The following RARS1 variants were observed in gnomAD, a reference collection of about 807,000 sequenced individuals.
RARS1 encodes the protein arginine--tRNA ligase, cytoplasmic.
RARS1 carries 75 observed loss-of-function variants against 78.7 expected under a neutral mutation model. That is an observed-to-expected ratio of 0.95 (90% CI 0.79 to 1.15). The LOEUF (loss-of-function observed/expected upper bound fraction) is 1.15, where lower values mean the gene tolerates loss of function less well. RARS1 is among the 50% of genes most tolerant of loss of function. RARS1 has a pLI of 0.00. For missense variants in RARS1, 787 were observed against 787.5 expected (o/e 1.00, Z 0.01); for synonymous variants, 273 against 268.2 (o/e 1.02, Z -0.18).
intron 11 of RARS1, among the ~76,000 whole-genome samples, chr5:168,507,656 A>G (rs7737859): frequency 0.019 from 2,928 of 152,334 alleles, 90 homozygotes; most frequent in African/African-American, 0.066. Context: ...TATCTTAGAT[A>G]CAGATTATGT....
chr5:168,494,475 T>G, intron 4 of RARS1, 75 bp from the exon 5 acceptor site: 1 of 1,578,700 alleles, frequency 6.3e-7, no homozygotes. Flanking sequence ...GGTCAGTGTC[T>G]GGAGCAAATC....
At chr5:168,496,808 G>A (rs1368009710) in intron 6 of RARS1, among the ~76,000 whole-genome samples, 1 of 152,120 alleles carries the variant, frequency 6.6e-6, no homozygotes, top group Non-Finnish European at 1.5e-5. Flanking sequence ...CAAGAATTTT[G>A]TTCATTGATA....
At chr5:168,487,092 G>T (rs1229091546) in intron 1 of RARS1, among the ~76,000 whole-genome samples, 2 of 152,138 alleles carry the variant, frequency 1.3e-5, no homozygotes, top group African/African-American at 2.4e-5. Flanking sequence ...GCCGGGCGCG[G>T]TGGCTCATGC....
chr5:168,512,314 C>A (rs1758578174), intron 12 of RARS1, among the ~76,000 whole-genome samples: 3 of 152,066 alleles, frequency 2.0e-5, no homozygotes, highest in African/African-American at 4.8e-5. Context: ...TTTAGAGGTA[C>A]ATGTGCTTTT....
intron 9 of RARS1, among the ~76,000 whole-genome samples, chr5:168,505,387 A>T (rs1464699492): frequency 6.6e-6 from 1 of 152,080 alleles, no homozygotes; most frequent in African/African-American, 2.4e-5. Flanking sequence ...TTTTCTTCCT[A>T]CTTCTCATTC....
rs540306694 is a variant in RARS1, at chr5:168,507,115, A to G, written c.1346+284A>G. Among the ~76,000 whole-genome samples the G allele has an allele frequency of 2.0e-5, 3 of 152,316 alleles. No homozygotes were observed. The East Asian group carries it at 5.8e-4, about 29-fold the overall frequency. ...CCCACAAATCTAAATTATAAAATCT[A>G]TTACAGTACCTGCTCAGATTTCAGA... On this transcript the variant is annotated intron_variant, in intron 11 of 14. Coordinates refer to ENST00000231572, the MANE Select transcript of RARS1 (RefSeq NM_002887.4).
chr5:168,518,531 T>A (rs963266993), intron 14 of RARS1, among the ~76,000 whole-genome samples: 20 of 152,170 alleles, frequency 1.3e-4, no homozygotes, highest in Non-Finnish European at 4.4e-5. Context: ...AGAGTAGGAT[T>A]TTTCCAACAA....
chr5:168,488,320 G>A (rs981135439), intron 1 of RARS1: 4 of 355,014 alleles, frequency 1.1e-5, no homozygotes, highest in East Asian at 7.1e-5. Context: ...TAGAGACAGC[G>A]TTTCGCTATG....
At chr5:168,518,347 A>C (rs1314342773) in intron 14 of RARS1, among the ~76,000 whole-genome samples, 1 of 151,832 alleles carries the variant, frequency 6.6e-6, no homozygotes, top group Non-Finnish European at 1.5e-5. Flanking sequence ...ATTCATGGAA[A>C]CTTCCACTTT....
chr5:168,510,802 T>C (rs528612115), intron 12 of RARS1, 116 bp downstream of exon 12: 18 of 621,880 alleles, frequency 2.9e-5, no homozygotes, highest in African/African-American at 5.8e-5. Context: ...GGACAAGGCT[T>C]ATATTGCTCT....
chr5:168,506,208 G>T lies in RARS1; in HGVS notation c.1236+9G>T. Reference sequence around the variant, plus strand: ...TTGTGGACAATGGACAAGTGAGTTTGTAAATTTGTATGTGTTTTACATTGA... The same window carrying T: ...TTGTGGACAATGGACAAGTGAGTTTTTAAATTTGTATGTGTTTTACATTGA... On this transcript the variant is annotated intron_variant, in intron 10 of 14. Coordinates refer to ENST00000231572, the MANE Select transcript of RARS1 (RefSeq NM_002887.4). The T allele has an allele frequency of 6.5e-7, 1 of 1,541,394 alleles. No individual in the cohort carries two copies.
chr5:168,496,164 G>C (rs562592351), intron 6 of RARS1, among the ~76,000 whole-genome samples: 24 of 152,080 alleles, frequency 1.6e-4, no homozygotes, highest in African/African-American at 5.3e-4. Context: ...GATGGATCAC[G>C]AGGTCAGGAG....
Position 168,493,923 on chromosome 5 carries a change from T to A in RARS1, c.399T>A (p.Asn133Lys). The A allele has an allele frequency of 6.2e-7, 1 of 1,613,296 alleles. No individual in the cohort carries two copies. Among genetic ancestry groups the A allele is most frequent in the African/African-American group, 1.3e-5 (1 of 75,016 alleles). The change falls in exon 4 of 15, where the codon AAT becomes AAA. Residue 133 changes from asparagine (N) to lysine (K), a missense_variant. Asn to Lys is a moderately conservative substitution (Grantham distance 94). Transcript: ENST00000231572. ...TCAAAACCAAGGAACAGAAAGTTAA[T>A]CCAAGAGAAATTGCTGAAAACATTA... ...QMLKTKEQKV[N>K]PREIAENITK...
intron 7 of RARS1, among the ~76,000 whole-genome samples, chr5:168,498,222 C>T (rs1328730018): frequency 1.3e-5 from 2 of 151,304 alleles, no homozygotes; most frequent in Middle Eastern, 6.3e-3. Flanking sequence ...CAGAGCAAGA[C>T]CTTATCTTAA....
intron 11 of RARS1, among the ~76,000 whole-genome samples, chr5:168,508,429 G>A (rs965972429): frequency 6.6e-6 from 1 of 151,454 alleles, no homozygotes; most frequent in Non-Finnish European, 1.5e-5. Flanking sequence ...AGACCAGCCT[G>A]GCCAACATGG....
rs1392638247 is a variant in RARS1, at chr5:168,506,839, T to C, written c.1346+8T>C. 6.3e-6 allele frequency: 10 copies of C among 1,579,368 alleles called. No individual in the cohort carries two copies. The highest frequency in any genetic ancestry group is 7.8e-6 in the Non-Finnish European group (9 of 1,149,240). On this transcript the variant is annotated splice_region_variant and intron_variant, in intron 11 of 14. Coordinates refer to ENST00000231572, the MANE Select transcript of RARS1 (RefSeq NM_002887.4). ...GGTGCTAGGGGAAGACAAGTAAGTC[T>C]GGAAAATCTGAAGATGGTAATGATA...
intron 9 of RARS1, among the ~76,000 whole-genome samples, chr5:168,504,062 GAA>G (rs35643354): frequency 1.1e-3 from 150 of 131,794 alleles, no homozygotes; most frequent in East Asian, 1.8e-3. Flanking sequence ...CCCTGTCTCT[GAA>G]AAAAAAAAAA....
In RARS1 at chr5:168,501,595, C is replaced by T. The variant is rs1177190954; in HGVS notation, c.953-406C>T. ...AAAATTAGCCGGGCGTGGTGGCACA[C>T]GCCTGTAGTCCCAGCTACTTGGGAG... On this transcript the variant is annotated intron_variant, in intron 8 of 14. Transcript: ENST00000231572. Among the ~76,000 whole-genome samples the T allele has an allele frequency of 2.6e-5, 4 of 152,256 alleles. No homozygotes were observed. In the East Asian group the frequency reaches 7.7e-4, roughly 29 times the overall value.
chr5:168,512,260 T>C lies in RARS1; in HGVS notation c.1452+1574T>C, dbSNP rs80206048. ...ATTAGGATTATTTCCAGTTGTTGGC[T>C]GTTCTGAATACAAAGCTATTTTGAA... On this transcript the variant is annotated intron_variant, in intron 12 of 14. Transcript: ENST00000231572. Among the ~76,000 whole-genome samples, 602 of 152,370 alleles carry C rather than the reference T, an allele frequency of 4.0e-3. 3 individuals are homozygous for C. The highest frequency in any genetic ancestry group is 0.014 in the African/African-American group (573 of 41,606).
Sources: allele counts gnomAD v4.1 joint callset (sites outside exome capture counted in the v4.1 genomes callset), GRCh38; gene constraint gnomAD v4.1.1; transcripts MANE v1.5; gene names NCBI Gene and HGNC (gene_info 2026-07-23, HGNC 2026-07-21).